ITSN1: variants seen among roughly 807,000 people sequenced by gnomAD.
ITSN1 encodes intersectin 1, also known as intersectin-1.
In ITSN1, 58 loss-of-function variants were observed where a neutral mutation model predicts 239.8. That is an observed-to-expected ratio of 0.24 (90% CI 0.20 to 0.30). The LOEUF (loss-of-function observed/expected upper bound fraction) is 0.30. Ranked by LOEUF, ITSN1 falls within the 10% of genes least tolerant of loss-of-function variation. The pLI is 1.00. For missense variants in ITSN1, 1,558 were observed against 2,103.3 expected, an observed-to-expected ratio of 0.74 and a Z score of 5.07; for synonymous variants, 780 against 770.8, an observed-to-expected ratio of 1.01 and a Z score of -0.20.
rs1291774199 is a variant in ITSN1, at chr21:33,811,163, G to A, written c.2508G>A (p.Leu836=). 1 of 1,601,640 alleles carries A rather than the reference G, an allele frequency of 6.2e-7. No individual in the cohort carries two copies. The highest frequency in any genetic ancestry group is 8.5e-7 in the Non-Finnish European group (1 of 1,177,712). Residue 836 remains leucine (L), a synonymous_variant, in exon 21 of 40, where the codon TTG becomes TTA. Coordinates refer to ENST00000381318, the MANE Select transcript of ITSN1 (RefSeq NM_003024.3). ...CCTTGCGTGAGACCCCCGCCCCTTT[G>A]GCAGTAACCTCTTCAGAGCCCTCCA... ...KLALRETPAP[L]AVTSSEPSTT...
chr21:33,875,555 C>T, intron 34 of ITSN1, 34 bp downstream of exon 34: 3 of 1,598,406 alleles, frequency 1.9e-6, no homozygotes, highest in Non-Finnish European at 2.6e-6. Context: ...CTGGTCTCCC[C>T]CGGCAGAGCC....
chr21:33,759,183 C>T (rs1276337062), intron 8 of ITSN1, among the ~76,000 whole-genome samples: 3 of 152,206 alleles, frequency 2.0e-5, no homozygotes, highest in Non-Finnish European at 4.4e-5. Context: ...ATATATCATG[C>T]TTATATCAGT....
At chr21:33,839,125 T>C (rs2074737153) in intron 29 of ITSN1, among the ~76,000 whole-genome samples, 1 of 152,198 alleles carries the variant, frequency 6.6e-6, no homozygotes, top group Non-Finnish European at 1.5e-5. Context: ...CTACCATGAG[T>C]TGGGTGCCCC....
intron 4 of ITSN1, among the ~76,000 whole-genome samples, chr21:33,728,470 C>T (rs567682515): frequency 3.9e-5 from 6 of 152,224 alleles, no homozygotes; most frequent in Admixed American, 2.6e-4. Context: ...CATTGTGATC[C>T]GCCTGCCTCG....
chr21:33,713,536 C>T (rs1019153622), intron 1 of ITSN1, among the ~76,000 whole-genome samples: 5 of 152,164 alleles, frequency 3.3e-5, no homozygotes, highest in Non-Finnish European at 5.9e-5. Flanking sequence ...GCACCACTCC[C>T]GGTCTCAACA....
intron 1 of ITSN1, among the ~76,000 whole-genome samples, chr21:33,655,156 A>G (rs767888183): frequency 6.6e-6 from 1 of 152,226 alleles, no homozygotes; most frequent in African/African-American, 2.4e-5. Context: ...TTTGATTGGA[A>G]AGGCCATTTT....
At chr21:33,884,576 G>A (rs1349106946) in intron 36 of ITSN1, among the ~76,000 whole-genome samples, 26 of 152,236 alleles carry the variant, frequency 1.7e-4, no homozygotes, top group Admixed American at 1.7e-3. Context: ...AAAAAATGAA[G>A]GAGAAAACCG....
At chr21:33,657,897 G>C (rs1446435423) in intron 1 of ITSN1, among the ~76,000 whole-genome samples, 1 of 152,110 alleles carries the variant, frequency 6.6e-6, no homozygotes, top group East Asian at 1.9e-4. Context: ...GAGGCAGGAG[G>C]ATTGCTTGAG....
At position 33,889,407 on chromosome 21, in the gene ITSN1, G is replaced by A. The variant is rs978102201; in HGVS notation, c.*1107G>A. On this transcript the variant is annotated 3_prime_UTR_variant, in exon 40 of 40. Transcript: ENST00000381318. ...GGAGGATGCAAGCCCCGCACATCCC[G>A]GGGCAAAGACCTAAGACACTTTTCC... The A allele has an allele frequency of 2.0e-5, 3 of 152,132 alleles. No individual in the cohort carries two copies. The highest frequency in any genetic ancestry group is 7.2e-5 in the African/African-American group (3 of 41,432). 9.4% of individuals were successfully genotyped at this position (152,132 alleles called of 1,614,324 possible).
intron 8 of ITSN1, among the ~76,000 whole-genome samples, chr21:33,759,727 G>GT (rs2068160862): frequency 6.6e-6 from 1 of 152,140 alleles, no homozygotes; most frequent in Non-Finnish European, 1.5e-5. Context: ...GCAGGAATGT[G>GT]TTCATATATT....
At chr21:33,883,520 G>C (rs756103566) in intron 35 of ITSN1, 30 bp from the exon 36 acceptor site, 3 of 1,610,072 alleles carry the variant, frequency 1.9e-6, no homozygotes, top group Non-Finnish European at 2.5e-6. Context: ...CCCCAGCCTC[G>C]CTTTGTAATG....
chr21:33,650,262 T>G (rs2088389028), intron 1 of ITSN1, among the ~76,000 whole-genome samples: 1 of 152,166 alleles, frequency 6.6e-6, no homozygotes, highest in African/African-American at 2.4e-5. Context: ...ATACAGTTCA[T>G]GGACGTGGAC....
intron 4 of ITSN1, among the ~76,000 whole-genome samples, chr21:33,734,357 C>T (rs1301107278): frequency 2.0e-5 from 3 of 152,050 alleles, no homozygotes; most frequent in Non-Finnish European, 4.4e-5. Context: ...GCACTTGGAC[C>T]GTGTATATTT....
intron 27 of ITSN1, among the ~76,000 whole-genome samples, chr21:33,833,195 A>G (rs2074396175): frequency 6.6e-6 from 1 of 152,108 alleles, no homozygotes; most frequent in Non-Finnish European, 1.5e-5. Flanking sequence ...GTTTATAGGG[A>G]CAGTCATCTA....
intron 29 of ITSN1, chr21:33,836,989 A>G (rs780124675): frequency 1.2e-6 from 2 of 1,612,626 alleles, no homozygotes; most frequent in South Asian, 1.1e-5. Context: ...TTTTCTAGGA[A>G]TCATATGTTG....
intron 20 of ITSN1, among the ~76,000 whole-genome samples, chr21:33,805,725 G>A (rs916985412): frequency 6.6e-6 from 1 of 151,764 alleles, no homozygotes; most frequent in Admixed American, 6.6e-5. Context: ...AGGCTGGAGT[G>A]CAGTGGCGCG....
intron 28 of ITSN1, 109 bp from the exon 29 acceptor site, chr21:33,836,332 T>A (rs948939258): frequency 5.5e-6 from 4 of 723,906 alleles, no homozygotes; most frequent in Admixed American, 3.5e-5. Context: ...ACTGTCACCC[T>A]CTTCTGAAAG....
At chr21:33,861,908 T>C (rs534208880) in intron 31 of ITSN1, among the ~76,000 whole-genome samples, 2 of 146,588 alleles carry the variant, frequency 1.4e-5, no homozygotes, top group Non-Finnish European at 3.0e-5. Flanking sequence ...ATCGCACCAC[T>C]GCACTCCAGC....
At chr21:33,790,526 C>T (rs979748193) in intron 16 of ITSN1, among the ~76,000 whole-genome samples, 4 of 151,842 alleles carry the variant, frequency 2.6e-5, no homozygotes, top group African/African-American at 4.8e-5. Context: ...TTGTACACTC[C>T]GTACTATATT....
Sources: allele counts gnomAD v4.1 joint callset (sites outside exome capture counted in the v4.1 genomes callset), GRCh38; gene constraint gnomAD v4.1.1; transcripts MANE v1.5; gene names NCBI Gene and HGNC (gene_info 2026-07-23, HGNC 2026-07-21).